Variants in DMD observed in about 807,000 individuals in gnomAD.
The protein encoded by DMD is mutant dystrophin.
DMD carries 63 observed loss-of-function variants against 330.1 expected under a neutral mutation model. The observed-to-expected ratio is 0.19, with a 90% CI of 0.16 to 0.24. The LOEUF (loss-of-function observed/expected upper bound fraction) is 0.24. DMD is among the 10% of genes least tolerant of loss of function. The pLI is 1.00. For synonymous variants in DMD, 1,223 were observed against 959.8 expected, an observed-to-expected ratio of 1.27 and a Z score of -5.07; for missense variants, 3,344 against 2,684.1, an observed-to-expected ratio of 1.25 and a Z score of -5.43.
At chrX:32,667,109 C>T (rs2061352608) in intron 9 of DMD, among the ~76,000 whole-genome samples, 1 of 111,316 alleles carries the variant, frequency 9.0e-6, no homozygotes, top group Non-Finnish European at 1.9e-5. Context: ...TGAAATCTTG[C>T]CATTTGCTAC....
chrX:32,954,707 A>G (rs1412620179), intron 2 of DMD, among the ~76,000 whole-genome samples: 2 of 110,359 alleles, frequency 1.8e-5, no homozygotes, highest in Non-Finnish European at 3.8e-5. Flanking sequence ...TCCACCCTCC[A>G]ACAGGTCCCA....
rs764481680 is a variant in DMD, at chrX:31,358,046, C to T, written c.9085-9412G>A. On this transcript the variant is annotated intron_variant, in intron 60 of 78. Transcript: ENST00000357033. ...CTCTGCCATGGACTCACAGTCTCTA[C>T]GGTCTCTCTCCCTCTGTCTTCTTTG... 6.3e-5 allele frequency among the ~76,000 whole-genome samples: 7 copies of T among 110,381 alleles called. No homozygotes were observed. The East Asian group carries it at 1.7e-3, about 27-fold the overall frequency.
intron 57 of DMD, among the ~76,000 whole-genome samples, chrX:31,482,743 G>A (rs1299894784): frequency 1.8e-5 from 2 of 111,707 alleles, no homozygotes; most frequent in East Asian, 2.8e-4. Context: ...AGGAAGACAC[G>A]ACAGGAGGAC....
intron 18 of DMD, among the ~76,000 whole-genome samples, chrX:32,514,185 G>C (rs1047424414): frequency 2.9e-5 from 3 of 103,377 alleles, no homozygotes; most frequent in Admixed American, 2.1e-4. Flanking sequence ...CACACACCCA[G>C]AGATGAGCCT....
rs2096884242 is a variant in DMD, at chrX:32,170,579, C to A, written c.6438+46337G>T. ...CATGCCACAGTTGCTAATCTCTGAG[C>A]CATCTCACTATCCTTTGTTCAGCTT... On this transcript the variant is annotated intron_variant, in intron 44 of 78. Transcript: ENST00000357033. Among the ~76,000 whole-genome samples, 3 of 109,448 alleles carry A rather than the reference C, an allele frequency of 2.7e-5. No individual in the cohort carries two copies. The South Asian group carries it at 1.2e-3, about 43-fold the overall frequency.
At chrX:31,876,629 T>C (rs1361087751) in intron 47 of DMD, among the ~76,000 whole-genome samples, 12 of 109,263 alleles carry the variant, frequency 1.1e-4, no homozygotes, top group Non-Finnish European at 2.3e-4. Flanking sequence ...GGCAGGAGGA[T>C]TGCTTGAGCC....
intron 44 of DMD, among the ~76,000 whole-genome samples, chrX:32,079,354 G>A (rs2096375052): frequency 8.9e-6 from 1 of 111,799 alleles, no homozygotes; most frequent in African/African-American, 3.3e-5. Context: ...CAGCACTTTG[G>A]GAGGCTGAGG....
intron 44 of DMD, among the ~76,000 whole-genome samples, chrX:32,193,906 A>G (rs890946991): frequency 8.9e-6 from 1 of 111,872 alleles, no homozygotes; most frequent in African/African-American, 3.3e-5. Flanking sequence ...ATTGGTAGAC[A>G]TGGGGTTGTA....
At chrX:32,726,415 G>A (rs2066889070) in intron 7 of DMD, among the ~76,000 whole-genome samples, 2 of 111,337 alleles carry the variant, frequency 1.8e-5, no homozygotes, top group Non-Finnish European at 3.8e-5. Context: ...ATATCTACTT[G>A]ATGGTCATGT....
At chrX:31,706,420 T>A (rs1300455879) in intron 52 of DMD, among the ~76,000 whole-genome samples, 1 of 111,759 alleles carries the variant, frequency 8.9e-6, no homozygotes, top group Non-Finnish European at 1.9e-5. Flanking sequence ...ATATAATTAT[T>A]AAAAGGAGCT....
At position 32,680,079 on chromosome X, in the gene DMD, G is replaced by C. The variant is rs144508271; in HGVS notation, c.960+17791C>G. Among the ~76,000 whole-genome samples the C allele has an allele frequency of 1.9e-4, 20 of 106,848 alleles. No individual in the cohort carries two copies. In the East Asian group the frequency reaches 4.1e-3, roughly 22 times the overall value. The allele number at this position is 106,848 out of a possible 115,157, so 92.8% of individuals were successfully genotyped here. ...CAGGCATGTGCCACCACACCTGGCTGATTTTTGTATTTTTACTTGAGACGG... is the reference window on the plus strand; with the variant it reads ...CAGGCATGTGCCACCACACCTGGCTCATTTTTGTATTTTTACTTGAGACGG... On this transcript the variant is annotated intron_variant, in intron 9 of 78. Coordinates refer to ENST00000357033, the MANE Select transcript of DMD (RefSeq NM_004006.3).
At chrX:33,235,853 AACATTTTCCAAAGTTTGCAAAACTT>A in intron 1 of DMD, among the ~76,000 whole-genome samples, 1 of 110,278 alleles carries the variant, frequency 9.1e-6, no homozygotes, top group South Asian at 3.9e-4. Context: ...GAGGAAGAGA[AACATTTTCCAAAGTTTGCAAAACTT>A]GCCAAGCTGG....
intron 2 of DMD, among the ~76,000 whole-genome samples, chrX:32,952,509 A>G (rs1420873710): frequency 1.8e-5 from 2 of 111,108 alleles, no homozygotes; most frequent in Admixed American, 9.6e-5. Context: ...GTTCAGATCA[A>G]TTTTATAACA....
In DMD at chrX:31,165,775, A is replaced by G. The variant is rs748751330; in HGVS notation, c.10553+3668T>C. Among the ~76,000 whole-genome samples the G allele has an allele frequency of 1.6e-3, 184 of 112,287 alleles. 2 individuals carry two copies. The highest frequency in any genetic ancestry group is 3.1e-3 in the Non-Finnish European group (164 of 53,226). On this transcript the variant is annotated intron_variant, in intron 74 of 78. Transcript: ENST00000357033. ...GTAATGAGGGAGAAATATGATGCAG[A>G]AGCGAAATATTAAAGATTAGATATC...
At chrX:33,215,682 C>T (rs139537065), upstream of DMD, among the ~76,000 whole-genome samples, 427 of 111,539 alleles carry the variant, frequency 3.8e-3, 2 homozygotes, top group African/African-American at 0.013. Context: ...TTTAGTTCAC[C>T]GTCAGTTGAT....
chrX:32,209,504 G>A (rs911361959), intron 44 of DMD, among the ~76,000 whole-genome samples: 5 of 111,349 alleles, frequency 4.5e-5, no homozygotes, highest in African/African-American at 9.8e-5. Context: ...CTGGAACATC[G>A]TCCTTGCAAA....
intron 42 of DMD, 98 bp downstream of exon 42, chrX:32,309,984 G>A: frequency 1.3e-6 from 1 of 762,373 alleles, no homozygotes; most frequent in South Asian, 2.5e-5. Flanking sequence ...AAGTCAAAAT[G>A]CCATCATGAT....
intron 1 of DMD, among the ~76,000 whole-genome samples, chrX:33,083,367 C>T (rs1156651443): frequency 8.9e-6 from 1 of 112,196 alleles, no homozygotes; most frequent in African/African-American, 3.2e-5. Flanking sequence ...TCTTTCCGCA[C>T]CCAATATCAG....
chrX:33,207,480 T>A (rs2051646995), intron 1 of DMD, among the ~76,000 whole-genome samples: 2 of 111,416 alleles, frequency 1.8e-5, no homozygotes, highest in South Asian at 7.5e-4. Flanking sequence ...AGAGTTACTC[T>A]CCCATTCGAA....
Sources: allele counts gnomAD v4.1 joint callset (sites outside exome capture counted in the v4.1 genomes callset), GRCh38; gene constraint gnomAD v4.1.1; transcripts MANE v1.5; gene names NCBI Gene and HGNC (gene_info 2026-07-23, HGNC 2026-07-21).